Variants in SPTLC3 observed in about 807,000 individuals in gnomAD.
SPTLC3 encodes the protein serine palmitoyltransferase 3.
A neutral mutation model predicts 59.3 loss-of-function variants in SPTLC3; 36 were observed. The ratio of observed to expected loss-of-function variants is 0.61; its 90% CI spans 0.47 to 0.80. SPTLC3 has a LOEUF of 0.80. Ranked by LOEUF, SPTLC3 falls within the 30% of genes least tolerant of loss-of-function variation. The probability of loss-of-function intolerance (pLI) is 0.00; values close to 1 mark genes in which losing one functional copy is unlikely to be tolerated. For missense variants in SPTLC3, 625 were observed against 685.1 expected (o/e 0.91, Z 0.98); for synonymous variants, 257 against 240.8 (o/e 1.07, Z -0.62).
At chr20:13,159,942 G>T in intron 10 of SPTLC3, 61 bp from the exon 11 acceptor site, 3 of 1,442,890 alleles carry the variant, frequency 2.1e-6, no homozygotes, top group Non-Finnish European at 2.8e-6. Context: ...TTTTTGTCAG[G>T]ATAATTTTGT....
chr20:13,106,823 A>G (rs889303106), intron 6 of SPTLC3, among the ~76,000 whole-genome samples: 3 of 152,220 alleles, frequency 2.0e-5, no homozygotes, highest in Non-Finnish European at 2.9e-5. Context: ...GTAGAAATGC[A>G]TAAGACCTCT....
chr20:13,145,360 C>T (rs1347229542), intron 9 of SPTLC3, among the ~76,000 whole-genome samples: 1 of 151,912 alleles, frequency 6.6e-6, no homozygotes, highest in Non-Finnish European at 1.5e-5. Context: ...AAACTGAGAG[C>T]CAAATTAGAA....
chr20:13,034,066 A>T (rs907863619), intron 1 of SPTLC3, among the ~76,000 whole-genome samples: 1 of 152,242 alleles, frequency 6.6e-6, no homozygotes, highest in African/African-American at 2.4e-5. Flanking sequence ...TAGGCAATAA[A>T]TGGAAGGTGG....
intron 10 of SPTLC3, among the ~76,000 whole-genome samples, chr20:13,159,754 T>C (rs1000666102): frequency 6.6e-6 from 1 of 152,156 alleles, no homozygotes; most frequent in Non-Finnish European, 1.5e-5. Context: ...CACAATTATC[T>C]AATGAGTGTG....
chr20:13,072,404 C>G lies in SPTLC3; in HGVS notation c.452C>G (p.Thr151Arg). Residue 151 changes from threonine (T) to arginine (R), a missense_variant, in exon 3 of 12, where the codon ACG (threonine) becomes AGG (arginine). By Grantham distance (71) the Thr-to-Arg change is moderately conservative (BLOSUM62 -1). Transcript: ENST00000399002. ...AGGGTATCAGACGACTATAACTGGA[C>G]GTTTAGGTGAGAGAACTTCTTGGAG... ...MERVSDDYNW[T>R]FRFTGRVIKD... 1 of 1,582,080 alleles carries G rather than the reference C, an allele frequency of 6.3e-7. No individual in the cohort carries two copies. Among genetic ancestry groups the G allele is most frequent in the East Asian group, 2.3e-5 (1 of 44,270 alleles).
At chr20:13,068,972 C>G (rs1988335920) in intron 2 of SPTLC3, among the ~76,000 whole-genome samples, 1 of 152,054 alleles carries the variant, frequency 6.6e-6, no homozygotes, top group Admixed American at 6.5e-5. Flanking sequence ...ATTCTGAATC[C>G]CTGAGTCAGG....
intron 8 of SPTLC3, among the ~76,000 whole-genome samples, chr20:13,125,021 C>T (rs2037956058): frequency 6.6e-6 from 1 of 152,174 alleles, no homozygotes; most frequent in Non-Finnish European, 1.5e-5. Context: ...TTAAAGACCC[C>T]ACTGCTAATG....
chr20:13,083,683 CT>C (rs35776666), intron 4 of SPTLC3, among the ~76,000 whole-genome samples: 6 of 151,992 alleles, frequency 3.9e-5, no homozygotes, highest in African/African-American at 1.4e-4. Flanking sequence ...ATTCAAGTTC[CT>C]TTTTTTTATT....
intron 1 of SPTLC3, among the ~76,000 whole-genome samples, chr20:13,014,269 T>A (rs181642110): frequency 4.6e-5 from 7 of 152,224 alleles, no homozygotes; most frequent in Admixed American, 1.3e-4. Context: ...TCTTTGGAAA[T>A]AGTCCACCAC....
At chr20:13,109,296 A>G (rs560650960) in intron 6 of SPTLC3, among the ~76,000 whole-genome samples, 1 of 152,332 alleles carries the variant, frequency 6.6e-6, no homozygotes, top group South Asian at 2.1e-4. Context: ...AGAAGAAGGG[A>G]CAATGGCTTT....
chr20:13,158,077 T>C (rs566915535), intron 10 of SPTLC3, among the ~76,000 whole-genome samples: 1 of 152,242 alleles, frequency 6.6e-6, no homozygotes. Flanking sequence ...CAAGAATATA[T>C]TGTATTTGGT....
At chr20:13,086,826 C>T (rs1329627353) in intron 4 of SPTLC3, among the ~76,000 whole-genome samples, 1 of 151,868 alleles carries the variant, frequency 6.6e-6, no homozygotes, top group African/African-American at 2.4e-5. Context: ...TGAGATCTTG[C>T]TTTGTCACCC....
chr20:13,137,867 C>A (rs1263450189), intron 9 of SPTLC3, among the ~76,000 whole-genome samples: 2 of 152,164 alleles, frequency 1.3e-5, no homozygotes, highest in South Asian at 2.1e-4. Flanking sequence ...ACCACACAGA[C>A]CTTCCTGGCT....
intron 11 of SPTLC3, among the ~76,000 whole-genome samples, chr20:13,161,576 T>A (rs1261807705): frequency 6.6e-6 from 1 of 152,050 alleles, no homozygotes; most frequent in African/African-American, 2.4e-5. Flanking sequence ...AGGAAAGACA[T>A]GTTCAGTGTA....
chr20:13,153,622 T>TGG (rs1379437167), intron 9 of SPTLC3, among the ~76,000 whole-genome samples: 1 of 152,054 alleles, frequency 6.6e-6, no homozygotes, highest in Non-Finnish European at 1.5e-5. Context: ...CTATGAAGTG[T>TGG]GGGGGGTGGG....
rs555910965 is a variant in SPTLC3, at chr20:13,166,054, A to G, written c.*1187A>G. 2.0e-5 allele frequency: 3 copies of G among 152,790 alleles called. No homozygotes were observed. The South Asian group carries it at 6.2e-4, about 32-fold the overall frequency. 9.5% of individuals were successfully genotyped at this position (152,790 alleles called of 1,614,324 possible). Reference sequence around the variant, plus strand: ...GATCTAGTTTGTATGGAAAAAGCCCATGGAGAACCTTATCTTTAACAAGCT... The same window carrying G: ...GATCTAGTTTGTATGGAAAAAGCCCGTGGAGAACCTTATCTTTAACAAGCT... On this transcript the variant is annotated 3_prime_UTR_variant, in exon 12 of 12. Coordinates refer to ENST00000399002, the MANE Select transcript of SPTLC3 (RefSeq NM_018327.4).
At chr20:13,044,493 G>C (rs6109668) in intron 1 of SPTLC3, among the ~76,000 whole-genome samples, 18,807 of 152,144 alleles carry the variant, frequency 0.12, 1,239 homozygotes, top group Middle Eastern at 0.21. Flanking sequence ...CCTTTTGCTA[G>C]AGTCTGGACA....
chr20:13,123,773 T>C (rs976161493), intron 8 of SPTLC3, among the ~76,000 whole-genome samples: 1 of 152,192 alleles, frequency 6.6e-6, no homozygotes, highest in Non-Finnish European at 1.5e-5. Flanking sequence ...CCATCCCTCA[T>C]GGCCAGATCA....
At chr20:13,100,450 C>A (rs908357092) in intron 6 of SPTLC3, among the ~76,000 whole-genome samples, 3 of 152,276 alleles carry the variant, frequency 2.0e-5, no homozygotes, top group African/African-American at 7.2e-5. Flanking sequence ...GGTACTAGAG[C>A]CAGGCCTGGT....
Sources: gnomAD v4.1 joint callset for allele counts (sites outside exome capture counted in the v4.1 genomes callset) on GRCh38, gnomAD v4.1.1 for gene constraint, MANE v1.5 for transcripts, NCBI Gene and HGNC (gene_info 2026-07-23, HGNC 2026-07-21) for gene names.